ELAPOR1: variants seen among roughly 807,000 people sequenced by gnomAD.
The protein encoded by ELAPOR1 is endosome-lysosome associated apoptosis and autophagy regulator 1.
Under a neutral mutation model 119.7 loss-of-function variants are expected in ELAPOR1, and 77 were observed. The observed-to-expected ratio is 0.64, with a 90% CI of 0.54 to 0.78. The LOEUF (loss-of-function observed/expected upper bound fraction) is 0.78. ELAPOR1 is among the 30% of genes least tolerant of loss of function. ELAPOR1 has a pLI of 0.00. For synonymous variants in ELAPOR1, 481 were observed against 487.2 expected (o/e 0.99, Z 0.17); for missense variants, 1,115 against 1,270.4 (o/e 0.88, Z 1.86).
At chr1:109,131,013 G>A (rs1437420770) in intron 1 of ELAPOR1, among the ~76,000 whole-genome samples, 1 of 152,124 alleles carries the variant, frequency 6.6e-6, no homozygotes, top group Non-Finnish European at 1.5e-5. Flanking sequence ...CAATTTCTGT[G>A]GACAGGAATT....
intron 1 of ELAPOR1, among the ~76,000 whole-genome samples, chr1:109,160,493 G>A (rs1651182364): frequency 1.3e-5 from 2 of 152,110 alleles, no homozygotes; most frequent in African/African-American, 2.4e-5. Flanking sequence ...ATAGATGTTA[G>A]ATGTGGAAAA....
At chr1:109,183,582 TTC>T (rs1207901774) in intron 7 of ELAPOR1, among the ~76,000 whole-genome samples, 7 of 3,308 alleles carry the variant, frequency 2.1e-3, no homozygotes, top group Admixed American at 9.6e-3. Flanking sequence ...CCTTCCTTCC[TTC>T]CTTCCTTCCT....
intron 7 of ELAPOR1, among the ~76,000 whole-genome samples, chr1:109,174,528 C>A: frequency 7.0e-6 from 1 of 142,544 alleles, no homozygotes; most frequent in Non-Finnish European, 1.5e-5. Context: ...ACAAAACAGA[C>A]AAAGGTCCCT....
chr1:109,173,624 A>T (rs1652060789), intron 6 of ELAPOR1, 45 bp downstream of exon 6: 1 of 1,613,094 alleles, frequency 6.2e-7, no homozygotes, highest in African/African-American at 1.3e-5. Flanking sequence ...TTGACTTTGC[A>T]GTCTCCTGGG....
At chr1:109,126,556 C>T (rs139239417) in intron 1 of ELAPOR1, among the ~76,000 whole-genome samples, 2,372 of 152,090 alleles carry the variant, frequency 0.016, 23 homozygotes, top group South Asian at 0.026. Flanking sequence ...CTGCAACATT[C>T]GCCTCCTGGG....
At chr1:109,162,399 C>T (rs569247981) in intron 2 of ELAPOR1, among the ~76,000 whole-genome samples, 39 of 152,288 alleles carry the variant, frequency 2.6e-4, no homozygotes, top group African/African-American at 8.4e-4. Flanking sequence ...GATTTGCTTT[C>T]ATTCTTAAAA....
intron 1 of ELAPOR1, among the ~76,000 whole-genome samples, chr1:109,142,981 G>T (rs942320346): frequency 1.3e-5 from 2 of 150,434 alleles, no homozygotes; most frequent in African/African-American, 2.4e-5. Context: ...AAGCAGTCTC[G>T]CTCTGTCGCC....
chr1:109,130,805 C>T (rs1022524826), intron 1 of ELAPOR1, among the ~76,000 whole-genome samples: 22 of 152,288 alleles, frequency 1.4e-4, no homozygotes, highest in Admixed American at 1.4e-3. Flanking sequence ...TGCTTCCTAA[C>T]AAATTACCCT....
chr1:109,164,469 G>A (rs766569912), intron 2 of ELAPOR1, 30 bp from the exon 3 acceptor site: 41 of 1,584,556 alleles, frequency 2.6e-5, no homozygotes, highest in Non-Finnish European at 3.4e-5. Context: ...TGACCTCACT[G>A]CCCCACCTTG....
chr1:109,188,385 C>A, intron 9 of ELAPOR1, 31 bp downstream of exon 9: 1 of 1,585,066 alleles, frequency 6.3e-7, no homozygotes, highest in Non-Finnish European at 8.6e-7. Context: ...CTCTCTGCAG[C>A]ACATCGACTG....
chr1:109,115,872 C>A (rs1044781540), intron 1 of ELAPOR1, among the ~76,000 whole-genome samples: 3 of 152,156 alleles, frequency 2.0e-5, no homozygotes, highest in Non-Finnish European at 2.9e-5. Context: ...TTTTAGAGAT[C>A]GCAGGGAACA....
chr1:109,161,652 A>G (rs761468523), intron 1 of ELAPOR1: 4 of 358,816 alleles, frequency 1.1e-5, no homozygotes, highest in Non-Finnish European at 1.6e-5. Context: ...AAACATAACA[A>G]CAAAGAGAGT....
chr1:109,203,900 A>T lies in ELAPOR1; in HGVS notation c.*888A>T, dbSNP rs1191727715. ...GCCTCAAAAAAAAAAAAAAAAAAAA[A>T]GAAAAGCACAAAGAGAGGCAACAAG... On this transcript the variant is annotated 3_prime_UTR_variant, in exon 22 of 22. Transcript: ENST00000369939. The T allele has an allele frequency of 7.2e-6, 1 of 139,578 alleles. No homozygotes were observed. The highest frequency in any genetic ancestry group is 7.2e-5 in the Admixed American group (1 of 13,940). 8.6% of individuals were successfully genotyped at this position (139,578 alleles called of 1,614,324 possible). A position where few individuals can be genotyped will look rare whatever the true frequency, so the allele number is the denominator to read the frequency against.
At chr1:109,145,984 G>A (rs1650152392) in intron 1 of ELAPOR1, among the ~76,000 whole-genome samples, 1 of 152,168 alleles carries the variant, frequency 6.6e-6, no homozygotes, top group African/African-American at 2.4e-5. Flanking sequence ...AATATTCAAA[G>A]AGAATATGTC....
At chr1:109,198,153 G>C in intron 17 of ELAPOR1, 78 bp downstream of exon 17, 6 of 1,087,528 alleles carry the variant, frequency 5.5e-6, no homozygotes, top group Non-Finnish European at 8.5e-6. Flanking sequence ...TCCCTCTCTA[G>C]CCACCTACTG....
chr1:109,200,997 C>A, intron 21 of ELAPOR1, 97 bp downstream of exon 21: 2 of 1,182,262 alleles, frequency 1.7e-6, no homozygotes, highest in Non-Finnish European at 2.4e-6. Context: ...CAGGGATGGG[C>A]ACCCTGCTCC....
chr1:109,181,566 A>G (rs587036), intron 7 of ELAPOR1, among the ~76,000 whole-genome samples: 123,379 of 152,144 alleles, frequency 0.81, 50,641 homozygotes, highest in East Asian at 1. Context: ...TGTCAGATTG[A>G]GCAAATATTT....
At chr1:109,149,371 T>A (rs1650386694) in intron 1 of ELAPOR1, among the ~76,000 whole-genome samples, 1 of 151,486 alleles carries the variant, frequency 6.6e-6, no homozygotes, top group Non-Finnish European at 1.5e-5. Context: ...TCCAGAGAAA[T>A]CAGTGTTACT....
At chr1:109,125,578 A>G (rs1455861669) in intron 1 of ELAPOR1, among the ~76,000 whole-genome samples, 1 of 148,490 alleles carries the variant, frequency 6.7e-6, no homozygotes, top group Non-Finnish European at 1.5e-5. Flanking sequence ...TAGAGACAGC[A>G]TTTCACCATG....
Sources: gnomAD v4.1 joint callset for allele counts (sites outside exome capture counted in the v4.1 genomes callset) on GRCh38, gnomAD v4.1.1 for gene constraint, MANE v1.5 for transcripts, NCBI Gene and HGNC (gene_info 2026-07-23, HGNC 2026-07-21) for gene names.